Variants in HTR4 observed in about 807,000 individuals in gnomAD.
HTR4 encodes 5-hydroxytryptamine receptor 4, also known as 5-hydroxytryptamine (serotonin) receptor 4, G protein-coupled.
In HTR4, 16 loss-of-function variants were observed where a neutral mutation model predicts 36.8. The observed-to-expected ratio is 0.43, with a 90% CI of 0.29 to 0.66. HTR4 has a LOEUF of 0.66. Ranked by LOEUF, HTR4 falls within the 30% of genes least tolerant of loss-of-function variation. HTR4 has a pLI of 0.13. For synonymous variants in HTR4, 189 were observed against 185.1 expected, an observed-to-expected ratio of 1.02 and a Z score of -0.17; for missense variants, 438 against 490.9, an observed-to-expected ratio of 0.89 and a Z score of 1.02.
chr5:148,623,974 A>T (rs1753003124), intron 2 of HTR4, among the ~76,000 whole-genome samples: 2 of 152,166 alleles, frequency 1.3e-5, no homozygotes, highest in Non-Finnish European at 2.9e-5. Context: ...ACATGGCCTC[A>T]CCTATCTGGG....
chr5:148,526,696 T>TA (rs971590305), intron 4 of HTR4, among the ~76,000 whole-genome samples: 1 of 151,870 alleles, frequency 6.6e-6, no homozygotes, highest in South Asian at 2.1e-4. Flanking sequence ...TATTCCATCA[T>TA]AAAAAAAATA....
chr5:148,653,059 A>G (rs777910914), intron 1 of HTR4, among the ~76,000 whole-genome samples: 2 of 152,042 alleles, frequency 1.3e-5, no homozygotes, highest in Admixed American at 6.5e-5. Context: ...TCCCTTGGTC[A>G]CTGATGCTCA....
At chr5:148,546,611 G>A (rs1321722953) in intron 4 of HTR4, among the ~76,000 whole-genome samples, 1 of 152,120 alleles carries the variant, frequency 6.6e-6, no homozygotes, top group Non-Finnish European at 1.5e-5. Context: ...TCTCCACAAT[G>A]GACAGTTGAT....
intron 5 of HTR4, among the ~76,000 whole-genome samples, chr5:148,463,165 CTTT>C (rs71001490): frequency 3.1e-5 from 2 of 64,136 alleles, no homozygotes; most frequent in African/African-American, 6.1e-5. Context: ...CTTTTTTTTT[CTTT>C]TTTTTTTTTT....
At chr5:148,598,957 A>G (rs1761886298) in intron 2 of HTR4, among the ~76,000 whole-genome samples, 1 of 152,218 alleles carries the variant, frequency 6.6e-6, no homozygotes, top group African/African-American at 2.4e-5. Flanking sequence ...TGTAAATTCT[A>G]GAATTTTAAA....
intron 2 of HTR4, among the ~76,000 whole-genome samples, chr5:148,561,748 C>A (rs144166716): frequency 7.6e-4 from 115 of 152,054 alleles, no homozygotes; most frequent in Middle Eastern, 3.4e-3. Context: ...CAAAATTATT[C>A]CTGTGATTAT....
At chr5:148,451,253 C>T (rs372616383) in exon 6 of HTR4, 2 of 1,613,690 alleles carry the variant, frequency 1.2e-6, no homozygotes, top group African/African-American at 2.7e-5. Flanking sequence ...TGATGATGTC[C>T]CCTGTGCAGA....
At chr5:148,504,550 T>G (rs1009422661) in intron 6 of HTR4, among the ~76,000 whole-genome samples, 1 of 152,108 alleles carries the variant, frequency 6.6e-6, no homozygotes, top group Non-Finnish European at 1.5e-5. Flanking sequence ...AGGAAAGATC[T>G]AAAATTGACA....
intron 4 of HTR4, among the ~76,000 whole-genome samples, chr5:148,537,252 A>G (rs1358996924): frequency 6.6e-6 from 1 of 152,162 alleles, no homozygotes; most frequent in African/African-American, 2.4e-5. Context: ...TTGAGAGGAA[A>G]TTCATAGCAC....
At chr5:148,561,810 T>C (rs569180070) in intron 2 of HTR4, among the ~76,000 whole-genome samples, 9 of 152,302 alleles carry the variant, frequency 5.9e-5, no homozygotes, top group Non-Finnish European at 1.0e-4. Flanking sequence ...CTCTCCACTT[T>C]GGTAAATCAT....
chr5:148,461,227 C>T (rs774111551), intron 5 of HTR4, among the ~76,000 whole-genome samples: 2 of 151,682 alleles, frequency 1.3e-5, no homozygotes, highest in Non-Finnish European at 3.0e-5. Context: ...GAACAAAGAA[C>T]GAGGGCAACA....
At chr5:148,653,672 C>T (rs1327527064) in intron 1 of HTR4, among the ~76,000 whole-genome samples, 1 of 152,048 alleles carries the variant, frequency 6.6e-6, no homozygotes, top group Admixed American at 6.6e-5. Context: ...CCATAGAGTC[C>T]ACACACACAT....
intron 4 of HTR4, among the ~76,000 whole-genome samples, chr5:148,539,325 C>T (rs1429738001): frequency 2.6e-5 from 4 of 152,168 alleles, no homozygotes; most frequent in Admixed American, 1.3e-4. Context: ...GCAAAGATTT[C>T]ATTACGAAGA....
At chr5:148,601,900 C>T (rs978327013) in intron 2 of HTR4, among the ~76,000 whole-genome samples, 12 of 152,278 alleles carry the variant, frequency 7.9e-5, no homozygotes, top group African/African-American at 2.9e-4. Context: ...AATACAAACA[C>T]TGTGTGATCT....
rs1047327018 is a variant in HTR4 at position 148,548,781 on chromosome 5, C to T, written c.240G>A (p.Glu80=). The T allele has an allele frequency of 1.9e-6, 3 of 1,613,948 alleles. No individual in the cohort carries two copies. Among genetic ancestry groups the T allele is most frequent in the African/African-American group, 2.7e-5 (2 of 74,902 alleles). Residue 80 remains glutamate, a synonymous_variant, in exon 4 of 7, where the codon GAG becomes GAA. Transcript: ENST00000377888. ...CATAAATCCAGATGTCTTGAACCAGCTCAATGGCACCAAAGGGCATCACCA... is the reference window on the plus strand; with the variant it reads ...CATAAATCCAGATGTCTTGAACCAGTTCAATGGCACCAAAGGGCATCACCA... The part of the protein sequence containing the change: ...SVLVMPFGAI[E]LVQDIWIYGE...
chr5:148,506,361 A>T (rs1008749720), intron 6 of HTR4, among the ~76,000 whole-genome samples: 2 of 152,042 alleles, frequency 1.3e-5, no homozygotes, highest in African/African-American at 4.8e-5. Flanking sequence ...TACACCTTAT[A>T]AAAAATTAAT....
chr5:148,504,716 GA>G (rs1189235294), intron 6 of HTR4, among the ~76,000 whole-genome samples: 1 of 151,950 alleles, frequency 6.6e-6, no homozygotes, highest in Non-Finnish European at 1.5e-5. Context: ...CTGGTTTTTT[GA>G]AAAGATCAAC....
chr5:148,482,977 G>T lies in HTR4; in HGVS notation c.*226C>A. On this transcript the variant is annotated 3_prime_UTR_variant, in exon 7 of 7. Transcript: ENST00000377888. Reference sequence around the variant, plus strand: ...AGCAGAGAATCTGGGAAGAGGGAGTGTTGGGAAATAAAAAGTGAACAAGGA... The same window carrying T: ...AGCAGAGAATCTGGGAAGAGGGAGTTTTGGGAAATAAAAAGTGAACAAGGA... 1 of 1,407,698 alleles carries T rather than the reference G, an allele frequency of 7.1e-7. No homozygotes were observed. The highest frequency in any genetic ancestry group is 1.6e-5 in the South Asian group (1 of 64,220). 87.2% of individuals were successfully genotyped at this position (1,407,698 alleles called of 1,614,324 possible). A position where few individuals can be genotyped will look rare whatever the true frequency, so the allele number is the denominator to read the frequency against.
At position 148,576,128 on chromosome 5, in the gene HTR4, AAAAAAC is replaced by A. The variant is rs1218308920; in HGVS notation, c.27-25872_27-25867del. ...TCCGTCTCAAAAAAAAAAAAAAAAA[AAAAAAC>A]AAAATCAATGTAAAAAATCATTAAC... is the stretch of plus-strand genomic sequence containing the variant. On this transcript the variant is annotated intron_variant, in intron 2 of 6. Transcript: ENST00000377888. 1.4e-3 allele frequency among the ~76,000 whole-genome samples: 207 copies of A among 144,662 alleles called. 3 individuals carry two copies. The East Asian group carries it at 0.023, about 16-fold the overall frequency. 94.9% of individuals were successfully genotyped at this position (144,662 alleles called of 152,430 possible).
Sources: allele counts gnomAD v4.1 joint callset (sites outside exome capture counted in the v4.1 genomes callset), GRCh38; gene constraint gnomAD v4.1.1; transcripts MANE v1.5; gene names NCBI Gene and HGNC (gene_info 2026-07-23, HGNC 2026-07-21).